PAPOLA: variants seen among roughly 807,000 people sequenced by gnomAD.
PAPOLA encodes the protein poly(A) polymerase alpha.
Under a neutral mutation model 100.6 loss-of-function variants are expected in PAPOLA, and 15 were observed. That is an observed-to-expected ratio of 0.15 (90% CI 0.10 to 0.23). PAPOLA has a LOEUF of 0.23. Among genes scored for constraint, PAPOLA ranks in the 10% least tolerant of loss-of-function variants. The pLI is 1.00. For synonymous variants in PAPOLA, 293 were observed against 300.0 expected, an observed-to-expected ratio of 0.98 and a Z score of 0.24; for missense variants, 533 against 884.2, an observed-to-expected ratio of 0.60 and a Z score of 5.04.
At chr14:96,502,849 C>T (rs950118069) in intron 1 of PAPOLA, 2 of 424,426 alleles carry the variant, frequency 4.7e-6, no homozygotes, top group African/African-American at 4.1e-5. Context: ...GGGCCTTCCC[C>T]TTCCGGAATT....
chr14:96,555,731 C>G, intron 17 of PAPOLA, 116 bp from the exon 18 acceptor site: 1 of 521,122 alleles, frequency 1.9e-6, no homozygotes, highest in Admixed American at 3.6e-5. Flanking sequence ...GGAAGTAAAA[C>G]CAAAGAATCA....
At chr14:96,503,303 G>A (rs1483868255) in intron 1 of PAPOLA, among the ~76,000 whole-genome samples, 2 of 152,148 alleles carry the variant, frequency 1.3e-5, no homozygotes, top group Non-Finnish European at 2.9e-5. Flanking sequence ...TTGTTTTGAT[G>A]GGGTAACCAG....
intron 9 of PAPOLA, chr14:96,533,276 A>AAGG: frequency 2.0e-6 from 2 of 984,918 alleles, no homozygotes; most frequent in Non-Finnish European, 2.4e-6. Context: ...CTTGGCCCAA[A>AAGG]AGGTGAGGGT....
At chr14:96,529,889 C>T (rs1237609676) in intron 6 of PAPOLA, among the ~76,000 whole-genome samples, 2 of 152,132 alleles carry the variant, frequency 1.3e-5, no homozygotes, top group East Asian at 1.9e-4. Context: ...ATTTTGTCAG[C>T]GGAATTCTAT....
At chr14:96,512,836 G>A (rs140650757) in intron 1 of PAPOLA, among the ~76,000 whole-genome samples, 1 of 152,242 alleles carries the variant, frequency 6.6e-6, no homozygotes, top group Non-Finnish European at 1.5e-5. Flanking sequence ...TGTTAGTTCT[G>A]TGAGAAAGGT....
At position 96,524,156 on chromosome 14, in the gene PAPOLA, A is replaced by G. The variant is rs571876270; in HGVS notation, c.250-1154A>G. Among the ~76,000 whole-genome samples the G allele has an allele frequency of 7.9e-5, 12 of 152,046 alleles. No individual in the cohort carries two copies. In the South Asian group the frequency reaches 2.5e-3, roughly 32 times the overall value. Reference sequence around the variant, plus strand: ...TTACATGTTTTGGTACTGAATAGATATTTTATTATACTGAGGAGTTAGGTA... The same window carrying G: ...TTACATGTTTTGGTACTGAATAGATGTTTTATTATACTGAGGAGTTAGGTA... On this transcript the variant is annotated intron_variant, in intron 3 of 21. Coordinates refer to ENST00000216277, the MANE Select transcript of PAPOLA (RefSeq NM_032632.5).
Position 96,532,765 on chromosome 14 carries a change from A to G in PAPOLA, c.836+116A>G, listed in dbSNP as rs544896535. The G allele has an allele frequency of 2.2e-5, 31 of 1,425,502 alleles. No individual in the cohort carries two copies. The East Asian group carries it at 4.6e-4, about 21-fold the overall frequency. The allele number at this position is 1,425,502 out of a possible 1,614,324, so 88.3% of individuals were successfully genotyped here. On this transcript the variant is annotated intron_variant, in intron 9 of 21. Coordinates refer to ENST00000216277, the MANE Select transcript of PAPOLA (RefSeq NM_032632.5). ...TCAAATTTTAGTTCATGATGTAGTC[A>G]TGTAGGCAGCCTTGGAGATCACATT...
At chr14:96,547,758 A>G (rs1324092794) in intron 15 of PAPOLA, 39 bp from the exon 16 acceptor site, 2 of 1,527,522 alleles carry the variant, frequency 1.3e-6, no homozygotes, top group Non-Finnish European at 1.8e-6. Context: ...CCTTTATTAA[A>G]ATGTTTCTAT....
At chr14:96,528,242 G>C (rs45592835) in intron 6 of PAPOLA, among the ~76,000 whole-genome samples, 58 of 152,280 alleles carry the variant, frequency 3.8e-4, no homozygotes, top group Non-Finnish European at 7.6e-4. Context: ...CCTTAAGATT[G>C]AAATGCTATT....
In PAPOLA at chr14:96,542,876, C is replaced by T. The variant is rs189240989; in HGVS notation, c.1272C>T (p.Pro424=). Residue 424 remains proline (P), a synonymous_variant, in exon 14 of 22, where the codon CCC becomes CCT. Coordinates refer to ENST00000216277, the MANE Select transcript of PAPOLA (RefSeq NM_032632.5). The part of the protein sequence containing the change: ...AHVNPQSFPA[P]KENPDKEEFR... The stretch of plus-strand genomic sequence containing the variant: ...TGAATCCCCAGTCATTTCCAGCACC[C>T]AAAGAAAATCCCGACAAGTAAGCCC... 4.3e-6 allele frequency: 7 copies of T among 1,611,884 alleles called. No homozygotes were observed. In the Admixed American group the frequency reaches 1.0e-4, roughly 23 times the overall value.
At chr14:96,514,402 C>T (rs1482725319) in intron 1 of PAPOLA, among the ~76,000 whole-genome samples, 3 of 151,356 alleles carry the variant, frequency 2.0e-5, no homozygotes, top group East Asian at 1.9e-4. Context: ...AGGGTGGTCT[C>T]GATCTCCTGA....
chr14:96,529,768 T>C (rs1898830554), intron 6 of PAPOLA, among the ~76,000 whole-genome samples: 1 of 152,082 alleles, frequency 6.6e-6, no homozygotes, highest in Non-Finnish European at 1.5e-5. Context: ...TATAAAAGGC[T>C]TGTTTACAGC....
At chr14:96,505,726 G>A (rs1896664287) in intron 1 of PAPOLA, among the ~76,000 whole-genome samples, 1 of 151,928 alleles carries the variant, frequency 6.6e-6, no homozygotes, top group African/African-American at 2.4e-5. Flanking sequence ...TCTTTCAGAG[G>A]GTACATAATG....
At chr14:96,557,581 T>A (rs1595558631) in intron 19 of PAPOLA, among the ~76,000 whole-genome samples, 1 of 148,580 alleles carries the variant, frequency 6.7e-6, no homozygotes, top group Non-Finnish European at 1.5e-5. Context: ...TTTTTTTTTT[T>A]GCTAAGAATG....
intron 14 of PAPOLA, 93 bp downstream of exon 14, chr14:96,542,986 T>C: frequency 7.8e-7 from 1 of 1,280,182 alleles, no homozygotes. Flanking sequence ...GTATAACTAT[T>C]CTGTTGACTA....
intron 1 of PAPOLA, chr14:96,502,831 C>G (rs4544182): frequency 0.2 from 86,609 of 443,214 alleles, 11,567 homozygotes; most frequent in East Asian, 0.59. Flanking sequence ...CAGCTGCCGT[C>G]GGGCCGGGGG....
At chr14:96,510,322 C>T (rs775992145) in intron 1 of PAPOLA, among the ~76,000 whole-genome samples, 3 of 151,952 alleles carry the variant, frequency 2.0e-5, no homozygotes, top group Non-Finnish European at 1.5e-5. Flanking sequence ...CACACTCTTT[C>T]GTACTTTTTC....
chr14:96,547,573 C>T (rs1337698862), intron 15 of PAPOLA: 1 of 374,644 alleles, frequency 2.7e-6, no homozygotes, highest in Admixed American at 4.4e-5. Context: ...GGTTACTACA[C>T]TGGAAGAATT....
intron 19 of PAPOLA, among the ~76,000 whole-genome samples, chr14:96,556,695 A>G (rs1833279309): frequency 1.3e-5 from 2 of 152,350 alleles, no homozygotes; most frequent in Non-Finnish European, 1.5e-5. Flanking sequence ...ACATGAAATT[A>G]CATGTATTCT....
Sources: allele counts gnomAD v4.1 joint callset (sites outside exome capture counted in the v4.1 genomes callset), GRCh38; gene constraint gnomAD v4.1.1; transcripts MANE v1.5; gene names NCBI Gene and HGNC (gene_info 2026-07-23, HGNC 2026-07-21).